RTF2: variants seen among roughly 807,000 people sequenced by gnomAD.
The protein encoded by RTF2 is replication termination factor 2.
RTF2 carries 18 observed loss-of-function variants against 38.0 expected under a neutral mutation model. The ratio of observed to expected loss-of-function variants is 0.47; its 90% CI spans 0.33 to 0.70. The LOEUF (loss-of-function observed/expected upper bound fraction) is 0.70. Among genes scored for constraint, RTF2 ranks in the 30% least tolerant of loss-of-function variants. RTF2 has a pLI of 0.02. For synonymous variants in RTF2, 126 were observed against 137.1 expected (o/e 0.92, Z 0.57); for missense variants, 311 against 379.6 (o/e 0.82, Z 1.50).
intron 5 of RTF2, among the ~76,000 whole-genome samples, chr20:56,503,004 G>A (rs960941727): frequency 3.9e-5 from 6 of 152,196 alleles, no homozygotes; most frequent in African/African-American, 9.7e-5. Context: ...GGGAGTGAAG[G>A]ATGTGAGTTT....
At chr20:56,504,041 A>C (rs1261475311) in intron 5 of RTF2, 1 of 152,216 alleles carries the variant, frequency 6.6e-6, no homozygotes, top group East Asian at 1.9e-4. Flanking sequence ...CTGCATAGCT[A>C]TTGAGACGCT....
Position 56,473,201 on chromosome 20 carries a change from C to T in RTF2, c.70-100C>T, listed in dbSNP as rs1294430677. The T allele has an allele frequency of 5.9e-6, 5 of 844,072 alleles. No homozygotes were observed. In the Middle Eastern group the frequency reaches 1.0e-3, roughly 174 times the overall value. The allele number at this position is 844,072 out of a possible 1,614,324, so 52.3% of individuals were successfully genotyped here. A position where few individuals can be genotyped will look rare whatever the true frequency, so the allele number is the denominator to read the frequency against. Reference sequence around the variant, plus strand: ...TATCTTTGATTTAAAAAACAAAAATCATTACAGTGCGGTATTACTGAATAT... The same window carrying T: ...TATCTTTGATTTAAAAAACAAAAATTATTACAGTGCGGTATTACTGAATAT... On this transcript the variant is annotated intron_variant, in intron 1 of 8. Transcript: ENST00000357348.
chr20:56,492,055 C>T (rs992859601), intron 5 of RTF2, among the ~76,000 whole-genome samples: 3 of 152,092 alleles, frequency 2.0e-5, no homozygotes, highest in Admixed American at 6.5e-5. Flanking sequence ...TAACTCACCA[C>T]GCGCACACGA....
chr20:56,518,228 C>G lies in RTF2; in HGVS notation c.884C>G (p.Ser295Cys), dbSNP rs756844857. The G allele has an allele frequency of 6.2e-7, 1 of 1,614,040 alleles. No homozygotes were observed. Among genetic ancestry groups the G allele is most frequent in the Non-Finnish European group, 8.5e-7 (1 of 1,179,948 alleles). The change falls in exon 9 of 9, where the codon TCT becomes TGT. Residue 295 changes from serine to cysteine, a missense_variant. Ser to Cys is a moderately radical substitution (Grantham distance 112). Coordinates refer to ENST00000357348, the MANE Select transcript of RTF2 (RefSeq NM_016407.5). ...HSSAKRSKEESAHWVTHTSYC... is the reference protein window; with the variant it reads ...HSSAKRSKEECAHWVTHTSYC... ...TCCGCCAAGCGCTCCAAGGAGGAGTCTGCCCACTGGGTCACCCACACGTCC... is the reference window on the plus strand; with the variant it reads ...TCCGCCAAGCGCTCCAAGGAGGAGTGTGCCCACTGGGTCACCCACACGTCC...
intron 5 of RTF2, among the ~76,000 whole-genome samples, chr20:56,507,460 C>G (rs189130631): frequency 1.3e-5 from 2 of 152,144 alleles, no homozygotes; most frequent in African/African-American, 4.8e-5. Flanking sequence ...TTTGAATTTT[C>G]GAGAGAAAGA....
chr20:56,513,505 C>T (rs1984829794), intron 6 of RTF2, 77 bp downstream of exon 6: 2 of 1,530,504 alleles, frequency 1.3e-6, no homozygotes, highest in Non-Finnish European at 1.8e-6. Context: ...ACTGAGCTGG[C>T]AGCTGCTTAG....
At position 56,485,488 on chromosome 20, in the gene RTF2, G is replaced by A. The variant is rs573964486; in HGVS notation, c.477+1299G>A. 1.1e-4 allele frequency among the ~76,000 whole-genome samples: 16 copies of A among 152,270 alleles called. 1 individual carries two copies. Among genetic ancestry groups the A allele is most frequent in the South Asian group, 1.0e-3 (5 of 4,820 alleles). ...GGAAGCCAGAAGGCAGCTGTAAGCC[G>A]GATGGGATGTGCATTAATTTTGTTC... is the stretch of plus-strand genomic sequence containing the variant. On this transcript the variant is annotated intron_variant, in intron 5 of 8. Transcript: ENST00000357348.
Position 56,518,427 on chromosome 20 carries a change from G to C in RTF2, c.*162G>C. 1.6e-6 allele frequency: 1 copy of C among 642,824 alleles called. No individual in the cohort carries two copies. The highest frequency in any genetic ancestry group is 2.5e-6 in the Non-Finnish European group (1 of 399,918). 39.8% of individuals were successfully genotyped at this position (642,824 alleles called of 1,614,324 possible). On this transcript the variant is annotated 3_prime_UTR_variant, in exon 9 of 9. Coordinates refer to ENST00000357348, the MANE Select transcript of RTF2 (RefSeq NM_016407.5). ...GCTGGTGTGGCCACTCTTGATGTGA[G>C]GCGTGTCGGTTCCAGGGGGGACATG...
chr20:56,515,026 G>A (rs1336987715), intron 6 of RTF2, among the ~76,000 whole-genome samples: 1 of 146,524 alleles, frequency 6.8e-6, no homozygotes, highest in Admixed American at 6.8e-5. Flanking sequence ...CAGCCTGACA[G>A]ACTCCCTCTA....
Position 56,476,082 on chromosome 20 carries a change from C to G in RTF2, c.259-903C>G, listed in dbSNP as rs186801257. ...TCTCATTAAATATGAAGAAATGCCT[C>G]GAATGCAAAAGTAGAGTTACTGTAT... On this transcript the variant is annotated intron_variant, in intron 3 of 8. Coordinates refer to ENST00000357348, the MANE Select transcript of RTF2 (RefSeq NM_016407.5). 1.5e-4 allele frequency among the ~76,000 whole-genome samples: 23 copies of G among 152,196 alleles called. No homozygotes were observed. In the East Asian group the frequency reaches 4.2e-3, roughly 28 times the overall value.
intron 5 of RTF2, chr20:56,495,116 G>A (rs375654400): frequency 4.9e-5 from 44 of 898,286 alleles, no homozygotes; most frequent in African/African-American, 2.8e-4. Flanking sequence ...ATGATCCTCC[G>A]TCTTGCCCAC....
chr20:56,507,265 C>T (rs1461262820), intron 5 of RTF2, among the ~76,000 whole-genome samples: 1 of 152,074 alleles, frequency 6.6e-6, no homozygotes, highest in Non-Finnish European at 1.5e-5. Context: ...AGCCCCTACC[C>T]TTGTTTTCCC....
chr20:56,495,381 A>G, intron 5 of RTF2: 1 of 1,078,374 alleles, frequency 9.3e-7, no homozygotes, highest in Non-Finnish European at 1.4e-6. Context: ...TATCATTTCC[A>G]TTTCCTCTAG....
intron 3 of RTF2, among the ~76,000 whole-genome samples, chr20:56,476,196 A>T (rs1982231670): frequency 6.6e-6 from 1 of 152,228 alleles, no homozygotes. Context: ...ATTCTGCCTT[A>T]GCTCGTTAGA....
intron 2 of RTF2, 23 bp downstream of exon 2, chr20:56,473,418 A>C: frequency 6.6e-7 from 1 of 1,510,728 alleles, no homozygotes; most frequent in Non-Finnish European, 9.1e-7. Context: ...CACTTAATCA[A>C]GATGAGTTTG....
At chr20:56,502,615 G>C (rs1983995302) in intron 5 of RTF2, among the ~76,000 whole-genome samples, 1 of 152,144 alleles carries the variant, frequency 6.6e-6, no homozygotes, top group South Asian at 2.1e-4. Context: ...AAATTCCTAT[G>C]AGTAAATAGA....
chr20:56,517,181 A>G lies in RTF2; in HGVS notation c.722A>G (p.Asn241Ser), dbSNP rs572069548. Residue 241 changes from asparagine to serine, a missense_variant, in exon 8 of 9, where the codon AAC (asparagine) becomes AGC (serine). Asn to Ser is a conservative substitution (Grantham distance 46). Transcript: ENST00000357348. Reference sequence around the variant, plus strand: ...CTTGATTCTAGAGAGAAGAAAACCAACTTGGCTCCCAAAAGCACAGGTGGG... The same window carrying G: ...CTTGATTCTAGAGAGAAGAAAACCAGCTTGGCTCCCAAAAGCACAGGTGGG... ...ASLDSREKKTNLAPKSTAMNE... is the reference protein window; with the variant it reads ...ASLDSREKKTSLAPKSTAMNE... The G allele has an allele frequency of 5.0e-6, 8 of 1,614,066 alleles. No homozygotes were observed. Among genetic ancestry groups the G allele is most frequent in the Middle Eastern group, 1.7e-4 (1 of 6,060 alleles).
At chr20:56,475,126 A>G (rs1982172127) in intron 3 of RTF2, among the ~76,000 whole-genome samples, 1 of 152,240 alleles carries the variant, frequency 6.6e-6, no homozygotes, top group Admixed American at 6.5e-5. Flanking sequence ...TCACTGTTAA[A>G]TCACGTGGCT....
chr20:56,487,055 G>T (rs1403091953), intron 5 of RTF2, among the ~76,000 whole-genome samples: 1 of 152,172 alleles, frequency 6.6e-6, no homozygotes, highest in African/African-American at 2.4e-5. Context: ...GGGTCACCAG[G>T]TTTGGGGGAC....
Sources: allele counts gnomAD v4.1 joint callset (sites outside exome capture counted in the v4.1 genomes callset), GRCh38; gene constraint gnomAD v4.1.1; transcripts MANE v1.5; gene names NCBI Gene and HGNC (gene_info 2026-07-23, HGNC 2026-07-21).